VTI1A: variants seen among roughly 807,000 people sequenced by gnomAD.
VTI1A encodes vesicle transport through interaction with t-SNAREs 1A, also known as vesicle transport through interaction with t-SNAREs homolog 1A.
Under a neutral mutation model 34.9 loss-of-function variants are expected in VTI1A, and 22 were observed. That is an observed-to-expected ratio of 0.63 (90% CI 0.45 to 0.90). VTI1A has a LOEUF of 0.90. Ranked by LOEUF, VTI1A falls within the 40% of genes least tolerant of loss-of-function variation. The pLI, the probability that VTI1A is intolerant of heterozygous loss-of-function variation, is 0.00. For synonymous variants in VTI1A, 87 were observed against 97.3 expected (o/e 0.89, Z 0.62); for missense variants, 268 against 275.6 (o/e 0.97, Z 0.20).
intron 7 of VTI1A, among the ~76,000 whole-genome samples, chr10:112,755,990 A>C (rs1342506700): frequency 2.6e-5 from 4 of 152,136 alleles, no homozygotes; most frequent in Non-Finnish European, 4.4e-5. Flanking sequence ...GTACTGTACC[A>C]AAAGCAGCCT....
intron 5 of VTI1A, among the ~76,000 whole-genome samples, chr10:112,585,809 AG>A (rs1446888111): frequency 6.6e-6 from 1 of 152,122 alleles, no homozygotes; most frequent in African/African-American, 2.4e-5. Flanking sequence ...TAGCATAAAA[AG>A]TGTTGGGTGT....
At chr10:112,781,642 A>G (rs1590178971) in intron 7 of VTI1A, among the ~76,000 whole-genome samples, 1 of 151,740 alleles carries the variant, frequency 6.6e-6, no homozygotes, top group African/African-American at 2.4e-5. Context: ...GGAGTTTGAG[A>G]CCAGCCTGGC....
At chr10:112,731,953 A>G (rs1850279987) in intron 7 of VTI1A, among the ~76,000 whole-genome samples, 1 of 152,184 alleles carries the variant, frequency 6.6e-6, no homozygotes, top group Admixed American at 6.5e-5. Flanking sequence ...ACAATTCTTT[A>G]CTTAAGCACC....
intron 7 of VTI1A, among the ~76,000 whole-genome samples, chr10:112,688,743 T>C (rs535397202): frequency 3.1e-4 from 47 of 152,088 alleles, no homozygotes; most frequent in Non-Finnish European, 6.2e-4. Flanking sequence ...TTCATCATGT[T>C]GGCTAGGCTG....
chr10:112,724,355 C>T (rs1849929378), intron 7 of VTI1A, among the ~76,000 whole-genome samples: 1 of 152,088 alleles, frequency 6.6e-6, no homozygotes, highest in Admixed American at 6.5e-5. Context: ...ATATTGCCAG[C>T]TGTGCATTAT....
At chr10:112,556,264 G>A (rs983451482) in intron 5 of VTI1A, among the ~76,000 whole-genome samples, 19 of 151,888 alleles carry the variant, frequency 1.3e-4, no homozygotes, top group African/African-American at 4.1e-4. Context: ...TAGAGAAGTC[G>A]CTTTTCACAT....
intron 7 of VTI1A, among the ~76,000 whole-genome samples, chr10:112,800,427 G>C (rs1293732717): frequency 1.3e-5 from 2 of 152,256 alleles, no homozygotes; most frequent in Non-Finnish European, 2.9e-5. Flanking sequence ...GCCTGCATGT[G>C]GGGGTACAGC....
At chr10:112,489,778 C>G (rs901086481) in intron 3 of VTI1A, among the ~76,000 whole-genome samples, 2 of 152,120 alleles carry the variant, frequency 1.3e-5, no homozygotes, top group African/African-American at 4.8e-5. Context: ...TGAAAGGGAG[C>G]AGCTGAAATC....
intron 7 of VTI1A, among the ~76,000 whole-genome samples, chr10:112,783,182 G>A (rs527828898): frequency 1.3e-5 from 2 of 152,312 alleles, no homozygotes; most frequent in South Asian, 4.1e-4. Flanking sequence ...AATTAACACA[G>A]CAGAGCTGCA....
chr10:112,779,091 C>A (rs899647046), intron 7 of VTI1A, among the ~76,000 whole-genome samples: 1 of 152,086 alleles, frequency 6.6e-6, no homozygotes, highest in Non-Finnish European at 1.5e-5. Context: ...TGAAAAGGAA[C>A]GAGAGAAAGA....
At chr10:112,759,367 C>G (rs1851381675) in intron 7 of VTI1A, among the ~76,000 whole-genome samples, 1 of 152,148 alleles carries the variant, frequency 6.6e-6, no homozygotes, top group Admixed American at 6.5e-5. Context: ...AATGCTCATT[C>G]CACTCAAATT....
At chr10:112,759,151 T>G (rs1437960369) in intron 7 of VTI1A, among the ~76,000 whole-genome samples, 1 of 152,086 alleles carries the variant, frequency 6.6e-6, no homozygotes, top group African/African-American at 2.4e-5. Context: ...GGGAGCCAAG[T>G]TAAGCTACAG....
chr10:112,829,437 C>T, the VTI1A span, among the ~76,000 whole-genome samples: 1 of 120,070 alleles, frequency 8.3e-6, no homozygotes, highest in Non-Finnish European at 1.6e-5. Context: ...GAGCGAGACT[C>T]CGTCTCGAAA....
At chr10:112,527,049 G>T in intron 3 of VTI1A, 38 bp from the exon 4 acceptor site, 1 of 1,600,886 alleles carries the variant, frequency 6.2e-7, no homozygotes, top group Non-Finnish European at 8.5e-7. Flanking sequence ...ACTTTCTAAC[G>T]TTCCTCTCAC....
At chr10:112,629,407 G>C (rs996668569) in intron 5 of VTI1A, among the ~76,000 whole-genome samples, 1 of 152,176 alleles carries the variant, frequency 6.6e-6, no homozygotes, top group Non-Finnish European at 1.5e-5. Flanking sequence ...TTTCATCACC[G>C]CACAGCTGTT....
chr10:112,623,435 C>A (rs940688618), intron 5 of VTI1A, among the ~76,000 whole-genome samples: 1 of 107,638 alleles, frequency 9.3e-6, no homozygotes, highest in Non-Finnish European at 2.0e-5. Flanking sequence ...ATTAAAATAA[C>A]CTTTTTTTTT....
chr10:112,582,436 C>T (rs1049449990), intron 5 of VTI1A, among the ~76,000 whole-genome samples: 12 of 152,250 alleles, frequency 7.9e-5, no homozygotes, highest in Admixed American at 6.5e-4. Context: ...TCCTTCCACC[C>T]CAGCAGCCCC....
intron 3 of VTI1A, among the ~76,000 whole-genome samples, chr10:112,477,963 A>G (rs1848330686): frequency 1.3e-5 from 2 of 152,224 alleles, no homozygotes; most frequent in South Asian, 2.1e-4. Context: ...GGAGAAAATT[A>G]CTATCCTCAT....
intron 5 of VTI1A, among the ~76,000 whole-genome samples, chr10:112,642,695 C>T (rs933310488): frequency 1.3e-5 from 2 of 152,054 alleles, no homozygotes; most frequent in Non-Finnish European, 2.9e-5. Context: ...GACTGATTCC[C>T]TGCTATGGGG....
Sources: gnomAD v4.1 joint callset for allele counts (sites outside exome capture counted in the v4.1 genomes callset) on GRCh38, gnomAD v4.1.1 for gene constraint, MANE v1.5 for transcripts, NCBI Gene and HGNC (gene_info 2026-07-23, HGNC 2026-07-21) for gene names.